The following CLSTN1 variants were observed in gnomAD, a reference collection of about 807,000 sequenced individuals.
CLSTN1 encodes calsyntenin 1, also known as calsyntenin-1.
Under a neutral mutation model 108.3 loss-of-function variants are expected in CLSTN1, and 28 were observed. That is an observed-to-expected ratio of 0.26 (90% confidence interval 0.19 to 0.35). CLSTN1 has a LOEUF of 0.35. Ranked by LOEUF, CLSTN1 falls within the 10% of genes least tolerant of loss-of-function variation. The pLI is 1.00. For synonymous variants in CLSTN1, 524 were observed against 534.9 expected, an observed-to-expected ratio of 0.98 and a Z score of 0.28; for missense variants, 1,157 against 1,302.6, an observed-to-expected ratio of 0.89 and a Z score of 1.72.
At chr1:9,793,203 G>T (rs1304681844) in intron 1 of CLSTN1, among the ~76,000 whole-genome samples, 1 of 151,256 alleles carries the variant, frequency 6.6e-6, no homozygotes, top group Non-Finnish European at 1.5e-5. Flanking sequence ...AGTAGAGACG[G>T]GGTTTCACCA....
intron 1 of CLSTN1, among the ~76,000 whole-genome samples, chr1:9,799,470 T>C (rs1654156821): frequency 6.6e-6 from 1 of 151,242 alleles, no homozygotes; most frequent in Non-Finnish European, 1.5e-5. Context: ...TGAAACCCCG[T>C]CTCTACTAAA....
intron 2 of CLSTN1, among the ~76,000 whole-genome samples, chr1:9,765,739 G>C (rs1294505224): frequency 2.6e-5 from 4 of 151,872 alleles, no homozygotes; most frequent in African/African-American, 9.7e-5. Context: ...AATTAGCCGG[G>C]CGTGGTGGCG....
At chr1:9,778,091 CAAT>C (rs1653043313) in intron 1 of CLSTN1, among the ~76,000 whole-genome samples, 1 of 152,034 alleles carries the variant, frequency 6.6e-6, no homozygotes, top group South Asian at 2.1e-4. Flanking sequence ...AAAATGGGGA[CAAT>C]AATAGTCCCC....
chr1:9,788,291 C>G (rs150453750), intron 1 of CLSTN1, among the ~76,000 whole-genome samples: 19 of 151,384 alleles, frequency 1.3e-4, no homozygotes, highest in African/African-American at 4.6e-4. Context: ...CCATTCTAGG[C>G]CAGATGCGGT....
At chr1:9,740,855 G>A (rs1004394851) in intron 10 of CLSTN1, among the ~76,000 whole-genome samples, 4 of 152,148 alleles carry the variant, frequency 2.6e-5, no homozygotes, top group African/African-American at 7.2e-5. Flanking sequence ...TTGGGTTTCC[G>A]GGAAAGGTGA....
At chr1:9,817,084 C>T (rs1050390102) in intron 1 of CLSTN1, among the ~76,000 whole-genome samples, 1 of 152,174 alleles carries the variant, frequency 6.6e-6, no homozygotes, top group African/African-American at 2.4e-5. Flanking sequence ...GATGATTCTT[C>T]GGCCAGGTGC....
At position 9,800,557 on chromosome 1, in the gene CLSTN1, G is replaced by GA. The variant is rs55929301; in HGVS notation, c.91+23085dup. Among the ~76,000 whole-genome samples, 713 of 77,274 alleles carry GA rather than the reference G, an allele frequency of 9.2e-3. 7 individuals are homozygous for GA. Among genetic ancestry groups the GA allele is most frequent in the African/African-American group, 0.021 (410 of 19,552 alleles). 50.7% of individuals were successfully genotyped at this position (77,274 alleles called of 152,430 possible). A position where few individuals can be genotyped will look rare whatever the true frequency, so the allele number is the denominator to read the frequency against. ...ATACAGTGAAACCCCGTCTCCACTA[G>GA]AAAAAAAAAAAAAAAAAAAAAAATT... is the stretch of plus-strand genomic sequence containing the variant. On this transcript the variant is annotated intron_variant, in intron 1 of 18. Transcript: ENST00000377298.
intron 1 of CLSTN1, among the ~76,000 whole-genome samples, chr1:9,822,507 T>C (rs1655224459): frequency 6.6e-6 from 1 of 152,096 alleles, no homozygotes; most frequent in South Asian, 2.1e-4. Context: ...TTCATCTAGA[T>C]TTCTATCAAT....
chr1:9,788,663 C>A (rs886696143), intron 1 of CLSTN1, among the ~76,000 whole-genome samples: 3 of 151,012 alleles, frequency 2.0e-5, no homozygotes, highest in Admixed American at 1.3e-4. Context: ...GTCAGGAGAT[C>A]GAGACCATCC....
intron 13 of CLSTN1, 101 bp downstream of exon 13, chr1:9,735,366 T>A: frequency 6.6e-7 from 1 of 1,517,186 alleles, no homozygotes; most frequent in South Asian, 1.2e-5. Flanking sequence ...TTACACACGA[T>A]GGCTCACCTT....
intron 1 of CLSTN1, among the ~76,000 whole-genome samples, chr1:9,816,443 G>A (rs1018871037): frequency 1.3e-5 from 2 of 151,568 alleles, no homozygotes; most frequent in Non-Finnish European, 2.9e-5. Flanking sequence ...GGTGATGGTT[G>A]TGCAACTTTG....
chr1:9,778,050 G>T (rs1240371632), intron 1 of CLSTN1, among the ~76,000 whole-genome samples: 1 of 152,188 alleles, frequency 6.6e-6, no homozygotes, highest in South Asian at 2.1e-4. Flanking sequence ...CAAAGGGCCC[G>T]CGACCTCAGG....
At position 9,783,490 on chromosome 1, in the gene CLSTN1, C is replaced by T. The variant is rs1489329740; in HGVS notation, c.92-10096G>A. On this transcript the variant is annotated intron_variant, in intron 1 of 18. Coordinates refer to ENST00000377298, the MANE Select transcript of CLSTN1 (RefSeq NM_001009566.3). The stretch of plus-strand genomic sequence containing the variant: ...ATCCCAACACTTCGGGAGGCCAAGG[C>T]GGGTGGATCACCTGAGGTCAGGAGT... Among the ~76,000 whole-genome samples, 4 of 151,748 alleles carry T rather than the reference C, an allele frequency of 2.6e-5. 1 individual carries two copies. The highest frequency in any genetic ancestry group is 7.3e-5 in the African/African-American group (3 of 41,302).
intron 4 of CLSTN1, among the ~76,000 whole-genome samples, chr1:9,752,674 C>T (rs1210431699): frequency 6.6e-6 from 1 of 151,976 alleles, no homozygotes; most frequent in Non-Finnish European, 1.5e-5. Context: ...CCATCCTGGC[C>T]AACATGGTGA....
chr1:9,816,498 T>C (rs1654975545), intron 1 of CLSTN1, among the ~76,000 whole-genome samples: 2 of 151,584 alleles, frequency 1.3e-5, no homozygotes, highest in South Asian at 4.2e-4. Context: ...AAAGGTTGAA[T>C]TTTATGGTAT....
In CLSTN1 at chr1:9,744,655, G is replaced by T; in HGVS notation, c.986-12C>A. The T allele has an allele frequency of 1.2e-6, 2 of 1,601,088 alleles. No homozygotes were observed. On this transcript the variant is annotated splice_polypyrimidine_tract_variant and intron_variant, in intron 7 of 18. Transcript: ENST00000377298. ...GCCCGCGGCCGCACCTGAAGCCACA[G>T]TGCTCGGTGAAACTCATGTGAGGAG...
At chr1:9,737,030 G>A (rs989994122) in intron 11 of CLSTN1, among the ~76,000 whole-genome samples, 3 of 152,006 alleles carry the variant, frequency 2.0e-5, no homozygotes, top group South Asian at 2.1e-4. Context: ...CCAAGACCGC[G>A]CCACTGCACT....
At position 9,782,733 on chromosome 1, in the gene CLSTN1, G is replaced by A. The variant is rs900045905; in HGVS notation, c.92-9339C>T. On this transcript the variant is annotated intron_variant, in intron 1 of 18. Coordinates refer to ENST00000377298, the MANE Select transcript of CLSTN1 (RefSeq NM_001009566.3). ...AAGAGAGGCTAGACCCGGGCCGGGC[G>A]TGGTGGCTCACACCTGTAATCCTAG... Among the ~76,000 whole-genome samples the A allele has an allele frequency of 7.9e-5, 12 of 152,328 alleles. No homozygotes were observed. The South Asian group carries it at 1.4e-3, about 18-fold the overall frequency.
intron 7 of CLSTN1, among the ~76,000 whole-genome samples, chr1:9,745,491 T>A (rs1651213919): frequency 6.6e-6 from 1 of 151,730 alleles, no homozygotes; most frequent in African/African-American, 2.4e-5. Flanking sequence ...ACCCTGTCAA[T>A]ACAAAAAACA....
Sources: allele counts gnomAD v4.1 joint callset (sites outside exome capture counted in the v4.1 genomes callset), GRCh38; gene constraint gnomAD v4.1.1; transcripts MANE v1.5; gene names NCBI Gene and HGNC (gene_info 2026-07-23, HGNC 2026-07-21).